Variants in SETBP1 observed in about 807,000 individuals in gnomAD.
The protein encoded by SETBP1 is SET binding protein 1.
Under a neutral mutation model 101.0 loss-of-function variants are expected in SETBP1, and 9 were observed. That is an observed-to-expected ratio of 0.09 (90% CI 0.05 to 0.16). SETBP1 has a LOEUF of 0.16. SETBP1 is among the 10% of genes least tolerant of loss of function. SETBP1 has a pLI of 1.00. For missense variants in SETBP1, 1,858 were observed against 2,033.8 expected (o/e 0.91, Z 1.66); for synonymous variants, 818 against 788.5 (o/e 1.04, Z -0.63).
intron 2 of SETBP1, among the ~76,000 whole-genome samples, chr18:44,737,116 G>C (rs1032092847): frequency 2.6e-5 from 4 of 152,246 alleles, no homozygotes; most frequent in Non-Finnish European, 5.9e-5. Flanking sequence ...AAATTCAGTT[G>C]CAAGTCTGGC....
intron 2 of SETBP1, among the ~76,000 whole-genome samples, chr18:44,843,755 G>T (rs2072668805): frequency 6.6e-6 from 1 of 152,190 alleles, no homozygotes; most frequent in Non-Finnish European, 1.5e-5. Context: ...GGTGATTCAT[G>T]GTTTATCCAT....
Position 44,718,327 on chromosome 18 carries a change from T to C in SETBP1, c.486+16495T>C, listed in dbSNP as rs2069509988. 3.3e-5 allele frequency among the ~76,000 whole-genome samples: 5 copies of C among 152,170 alleles called. No homozygotes were observed. The South Asian group carries it at 1.0e-3, about 32-fold the overall frequency. ...AGCTGATTCATGCTGCACCTTGGGT[T>C]AGCCAGGGTCCCTCTTCAGAGCCCA... On this transcript the variant is annotated intron_variant, in intron 2 of 5. Transcript: ENST00000649279.
intron 4 of SETBP1, among the ~76,000 whole-genome samples, chr18:45,017,828 G>A (rs1371860339): frequency 6.6e-6 from 1 of 152,186 alleles, no homozygotes. Flanking sequence ...CCTCACTTTA[G>A]CACGTTCCCT....
At chr18:44,824,596 T>A (rs1275101752) in intron 2 of SETBP1, among the ~76,000 whole-genome samples, 1 of 152,216 alleles carries the variant, frequency 6.6e-6, no homozygotes, top group Non-Finnish European at 1.5e-5. Flanking sequence ...AACATAACAC[T>A]GCCAGAGGTG....
At chr18:44,816,166 G>A (rs976919732) in intron 2 of SETBP1, among the ~76,000 whole-genome samples, 1 of 152,200 alleles carries the variant, frequency 6.6e-6, no homozygotes, top group South Asian at 2.1e-4. Flanking sequence ...CAAGGCAGGT[G>A]GGGAAGGGAA....
chr18:44,693,054 T>G (rs1391839794), intron 1 of SETBP1, among the ~76,000 whole-genome samples: 1 of 152,274 alleles, frequency 6.6e-6, no homozygotes, highest in Middle Eastern at 3.4e-3. Context: ...AGAACCATGG[T>G]GTAGAGCTGC....
At chr18:45,054,752 T>C (rs1465675131) in intron 5 of SETBP1, among the ~76,000 whole-genome samples, 1 of 152,190 alleles carries the variant, frequency 6.6e-6, no homozygotes, top group Non-Finnish European at 1.5e-5. Context: ...AGATTATCTC[T>C]GGAATGAGTC....
intron 2 of SETBP1, among the ~76,000 whole-genome samples, chr18:44,705,819 A>C (rs985680869): frequency 6.6e-6 from 1 of 152,192 alleles, no homozygotes; most frequent in Non-Finnish European, 1.5e-5. Flanking sequence ...TAACTCTCCA[A>C]ACTGGAGAAG....
At chr18:44,895,486 C>T (rs1238710953) in intron 3 of SETBP1, among the ~76,000 whole-genome samples, 1 of 152,108 alleles carries the variant, frequency 6.6e-6, no homozygotes, top group Non-Finnish European at 1.5e-5. Flanking sequence ...AAGTGGTATT[C>T]AGTCTTCTCT....
chr18:45,051,692 A>G (rs2073724409), intron 5 of SETBP1, among the ~76,000 whole-genome samples: 1 of 152,142 alleles, frequency 6.6e-6, no homozygotes, highest in Admixed American at 6.5e-5. Context: ...GTTTCAGTCA[A>G]TCTTAACGTT....
intron 4 of SETBP1, among the ~76,000 whole-genome samples, chr18:45,012,646 A>G (rs1233412874): frequency 1.3e-5 from 2 of 152,170 alleles, no homozygotes; most frequent in Non-Finnish European, 2.9e-5. Flanking sequence ...AAAATGTGGT[A>G]TATATGCACA....
At chr18:44,912,578 C>T (rs577523908) in intron 3 of SETBP1, among the ~76,000 whole-genome samples, 8 of 152,028 alleles carry the variant, frequency 5.3e-5, no homozygotes, top group Admixed American at 3.3e-4. Flanking sequence ...CCACCATGCC[C>T]GGCTAATTTT....
intron 2 of SETBP1, among the ~76,000 whole-genome samples, chr18:44,783,722 T>C (rs2071182742): frequency 6.6e-6 from 1 of 152,194 alleles, no homozygotes; most frequent in African/African-American, 2.4e-5. Context: ...GAAGGTGTTT[T>C]TATTATCCTT....
intron 2 of SETBP1, among the ~76,000 whole-genome samples, chr18:44,858,594 G>A (rs182959270): frequency 7.2e-5 from 11 of 152,284 alleles, no homozygotes; most frequent in African/African-American, 2.4e-4. Context: ...ATTTTGTGAA[G>A]GTTGTTTTTT....
At chr18:44,734,220 A>C (rs1350751913) in intron 2 of SETBP1, among the ~76,000 whole-genome samples, 1 of 152,202 alleles carries the variant, frequency 6.6e-6, no homozygotes, top group Non-Finnish European at 1.5e-5. Flanking sequence ...AGTAAGATGC[A>C]TTGCTTATTG....
At chr18:44,913,821 T>A (rs2144895163) in intron 3 of SETBP1, among the ~76,000 whole-genome samples, 1 of 152,350 alleles carries the variant, frequency 6.6e-6, no homozygotes, top group East Asian at 1.9e-4. Context: ...TGTGGAAAGA[T>A]CAGGCTGATG....
chr18:44,765,140 G>A (rs747595440), intron 2 of SETBP1, among the ~76,000 whole-genome samples: 5 of 152,122 alleles, frequency 3.3e-5, no homozygotes, highest in Non-Finnish European at 5.9e-5. Flanking sequence ...TCCGTGTTAC[G>A]AAATTCACCT....
Position 44,950,725 on chromosome 18 carries a change from C to T in SETBP1, c.1385C>T (p.Pro462Leu), listed in dbSNP as rs746767025. ...AACTCTGAGGGGAATAAGAAGGATCCCCGTGTCCCTAAGTTGAGTAAAATG... is the reference window on the plus strand; with the variant it reads ...AACTCTGAGGGGAATAAGAAGGATCTCCGTGTCCCTAAGTTGAGTAAAATG... ...LSNSEGNKKD[P>L]RVPKLSKMIE... The change falls in exon 4 of 6, where the codon CCC (proline) becomes CTC (leucine). Residue 462 changes from proline to leucine, a missense_variant. By Grantham distance (98) the Pro-to-Leu change is moderately conservative. This residue lies in a region of SETBP1 where 581 missense variants were observed against 535.1 expected (regional missense o/e 1.09). Transcript: ENST00000649279. 2.4e-5 allele frequency: 38 copies of T among 1,613,924 alleles called. No homozygotes were observed. The highest frequency in any genetic ancestry group is 3.0e-5 in the Non-Finnish European group (35 of 1,180,014).
chr18:44,789,318 G>A (rs2071318118), intron 2 of SETBP1, among the ~76,000 whole-genome samples: 2 of 152,148 alleles, frequency 1.3e-5, no homozygotes, highest in Admixed American at 1.3e-4. Flanking sequence ...AAGACAAAAT[G>A]GTTGTTGGTA....
Sources: gnomAD v4.1 joint callset for allele counts (sites outside exome capture counted in the v4.1 genomes callset) on GRCh38, gnomAD v4.1.1 for gene constraint, gnomAD v4.1.1 regional missense constraint, MANE v1.5 for transcripts, NCBI Gene and HGNC (gene_info 2026-07-23, HGNC 2026-07-21) for gene names.